The following EPHA4 variants were observed in gnomAD, a reference collection of about 807,000 sequenced individuals.
EPHA4 encodes EPH receptor A4.
EPHA4 carries 19 observed loss-of-function variants against 108.3 expected under a neutral mutation model. That is an observed-to-expected ratio of 0.18 (90% confidence interval 0.12 to 0.26). EPHA4 has a LOEUF of 0.26. EPHA4 is among the 10% of genes least tolerant of loss of function. The probability of loss-of-function intolerance (pLI) is 1.00; values close to 1 mark genes in which losing one functional copy is unlikely to be tolerated. For synonymous variants in EPHA4, 449 were observed against 455.5 expected (o/e 0.99, Z 0.18); for missense variants, 917 against 1,254.0 (o/e 0.73, Z 4.06).
At chr2:221,545,444 G>C (rs1693966767) in intron 3 of EPHA4, among the ~76,000 whole-genome samples, 1 of 152,034 alleles carries the variant, frequency 6.6e-6, no homozygotes, top group African/African-American at 2.4e-5. Context: ...ACTCCAGCCT[G>C]GGCGACAGAG....
intron 4 of EPHA4, among the ~76,000 whole-genome samples, chr2:221,485,407 C>T (rs1167788461): frequency 1.3e-5 from 2 of 152,190 alleles, no homozygotes; most frequent in Non-Finnish European, 2.9e-5. Context: ...GTTGGATGCT[C>T]AAGACTGAGA....
At chr2:221,543,762 AG>A (rs1394391138) in intron 3 of EPHA4, among the ~76,000 whole-genome samples, 1 of 152,234 alleles carries the variant, frequency 6.6e-6, no homozygotes, top group Non-Finnish European at 1.5e-5. Context: ...CAAGGAATAC[AG>A]GGCTTAGAAG....
At chr2:221,520,571 G>GGA (rs140590656) in intron 3 of EPHA4, among the ~76,000 whole-genome samples, 37 of 149,720 alleles carry the variant, frequency 2.5e-4, no homozygotes, top group Non-Finnish European at 3.9e-4. Flanking sequence ...GCAAGAGGGG[G>GGA]GAGAGAGAGA....
chr2:221,490,993 C>G (rs986123737), intron 4 of EPHA4, among the ~76,000 whole-genome samples: 2 of 152,168 alleles, frequency 1.3e-5, no homozygotes, highest in African/African-American at 4.8e-5. Flanking sequence ...AAACCAGAAC[C>G]TTTTGGATGC....
At chr2:221,441,127 A>G (rs1022237671) in intron 11 of EPHA4, among the ~76,000 whole-genome samples, 1 of 151,478 alleles carries the variant, frequency 6.6e-6, no homozygotes, top group Admixed American at 6.6e-5. Flanking sequence ...TCTTCTTCCT[A>G]AAGATTTTGT....
rs1014145902 is a variant in EPHA4 at position 221,571,589 on chromosome 2, T to C, written c.91+569A>G. On this transcript the variant is annotated intron_variant, in intron 1 of 17. Coordinates refer to ENST00000281821, the MANE Select transcript of EPHA4 (RefSeq NM_004438.5). This position sits in a 1 kb window ranked among gnomAD's most constrained non-coding sequence, Gnocchi z 6.3. The stretch of plus-strand genomic sequence containing the variant: ...GCGCTGGGCTTGGCGAGGAGAAAGG[T>C]GTCTGACTCCGGGTGCTAGAAATCA... Among the ~76,000 whole-genome samples, 19 of 151,884 alleles carry C rather than the reference T, an allele frequency of 1.3e-4. No individual in the cohort carries two copies. Among genetic ancestry groups the C allele is most frequent in the African/African-American group, 4.3e-4 (18 of 41,386 alleles).
chr2:221,426,252 C>A, intron 16 of EPHA4, 110 bp from the exon 17 acceptor site: 1 of 1,090,242 alleles, frequency 9.2e-7, no homozygotes, highest in South Asian at 1.4e-5. Flanking sequence ...TAATACAGCA[C>A]AACAAGGCAG....
intron 3 of EPHA4, among the ~76,000 whole-genome samples, chr2:221,544,240 A>C (rs1693919208): frequency 6.6e-6 from 1 of 152,228 alleles, no homozygotes; most frequent in South Asian, 2.1e-4. Context: ...AGAAACCCAC[A>C]CAGGTGTGAA....
In EPHA4 at chr2:221,564,036, A is replaced by G. The variant is rs1356547451; in HGVS notation, c.518T>C (p.Val173Ala). ...AAACCCCTTTTTGCTTAATGGCCCT[A>G]CATCCCGGATCTCGGTGTTCAGCTT... ...IMKLNTEIRD[V>A]GPLSKKGFYL... is the part of the protein sequence containing the mutation. The change falls in exon 3 of 18, where the codon GTA (valine) becomes GCA (alanine). Residue 173 changes from valine (V) to alanine (A), a missense_variant. Physicochemically the swap from Val to Ala is moderately conservative, Grantham distance 64. Coordinates refer to ENST00000281821, the MANE Select transcript of EPHA4 (RefSeq NM_004438.5). The G allele has an allele frequency of 1.9e-6, 3 of 1,613,790 alleles. No homozygotes were observed. Among genetic ancestry groups the G allele is most frequent in the African/African-American group, 2.7e-5 (2 of 74,848 alleles).
chr2:221,445,883 G>C (rs1291151197), intron 9 of EPHA4, among the ~76,000 whole-genome samples: 1 of 151,962 alleles, frequency 6.6e-6, no homozygotes, highest in African/African-American at 2.4e-5. Context: ...TTAGGGTAGA[G>C]GATAAAATAA....
chr2:221,502,419 A>G (rs147447817), intron 3 of EPHA4: 7,591 of 448,458 alleles, frequency 0.017, 85 homozygotes, highest in Non-Finnish European at 0.025. Flanking sequence ...TGTCCTTAGG[A>G]CTTGTCTATA....
chr2:221,521,501 G>C (rs1350112189), intron 3 of EPHA4, among the ~76,000 whole-genome samples: 3 of 152,162 alleles, frequency 2.0e-5, no homozygotes, highest in Non-Finnish European at 4.4e-5. Context: ...TGTTCAGGAA[G>C]CAATTGGAGA....
intron 5 of EPHA4, among the ~76,000 whole-genome samples, chr2:221,468,276 C>A (rs1457718381): frequency 1.3e-5 from 2 of 149,664 alleles, no homozygotes; most frequent in Non-Finnish European, 3.0e-5. Context: ...AACAAATAAC[C>A]AACAAAAAAA....
intron 3 of EPHA4, among the ~76,000 whole-genome samples, chr2:221,515,263 T>C (rs1692957767): frequency 6.6e-6 from 1 of 152,008 alleles, no homozygotes; most frequent in Non-Finnish European, 1.5e-5. Context: ...GCATGGCTAA[T>C]TTTGTATTTT....
intron 4 of EPHA4, among the ~76,000 whole-genome samples, chr2:221,499,757 T>TATATATA (rs1491531800): frequency 4.0e-5 from 1 of 24,800 alleles, no homozygotes; most frequent in South Asian, 1.7e-3. Flanking sequence ...TATATATATA[T>TATATATA]TTTTTTTTTT....
chr2:221,439,060 G>T (rs1338700011), intron 11 of EPHA4, among the ~76,000 whole-genome samples: 1 of 152,082 alleles, frequency 6.6e-6, no homozygotes, highest in Non-Finnish European at 1.5e-5. Flanking sequence ...TTGATTGCTT[G>T]AGTTTTTGGT....
In EPHA4 at chr2:221,447,243, A is replaced by G. The variant is rs1690620536; in HGVS notation, c.1716-1062T>C. Among the ~76,000 whole-genome samples the G allele has an allele frequency of 2.0e-5, 3 of 152,356 alleles. No homozygotes were observed. The South Asian group carries it at 6.2e-4, about 32-fold the overall frequency. ...AAAGGTACAATTTACACTGGAATTT[A>G]CATTCTATGTTTTCTTAGAGCTTCA... On this transcript the variant is annotated intron_variant, in intron 8 of 17. Coordinates refer to ENST00000281821, the MANE Select transcript of EPHA4 (RefSeq NM_004438.5).
chr2:221,565,951 AC>A (rs1694616152), intron 2 of EPHA4, among the ~76,000 whole-genome samples: 1 of 152,160 alleles, frequency 6.6e-6, no homozygotes, highest in African/African-American at 2.4e-5. Flanking sequence ...TCTAATATGA[AC>A]TTTGCAGCCT....
At chr2:221,556,719 C>CA (rs1694315257) in intron 3 of EPHA4, among the ~76,000 whole-genome samples, 1 of 151,902 alleles carries the variant, frequency 6.6e-6, no homozygotes, top group Non-Finnish European at 1.5e-5. Context: ...ACCGAAGGTA[C>CA]AGTACAGTAA....
Sources: gnomAD v4.1 joint callset for allele counts (sites outside exome capture counted in the v4.1 genomes callset) on GRCh38, gnomAD v4.1.1 for gene constraint, Gnocchi (gnomAD v3.1) non-coding constraint, MANE v1.5 for transcripts, NCBI Gene and HGNC (gene_info 2026-07-23, HGNC 2026-07-21) for gene names.